Variants in FREM1 observed in about 807,000 individuals in gnomAD.
The protein encoded by FREM1 is FRAS1-related extracellular matrix protein 1.
In FREM1, 220 loss-of-function variants were observed where a neutral mutation model predicts 210.1. That is an observed-to-expected ratio of 1.05 (90% CI 0.94 to 1.17). The LOEUF (loss-of-function observed/expected upper bound fraction) is 1.17. Ranked by LOEUF, FREM1 falls within the 50% of genes most tolerant of loss-of-function variation. FREM1 has a pLI of 0.00. For synonymous variants in FREM1, 1,189 were observed against 980.2 expected (o/e 1.21, Z -3.98); for missense variants, 3,454 against 2,675.5 (o/e 1.29, Z -6.42).
intron 16 of FREM1, among the ~76,000 whole-genome samples, chr9:14,808,399 G>A (rs1818761505): frequency 6.6e-6 from 1 of 152,114 alleles, no homozygotes; most frequent in African/African-American, 2.4e-5. Flanking sequence ...GGCCAACAAG[G>A]GTCTGACAGT....
intron 13 of FREM1, among the ~76,000 whole-genome samples, chr9:14,821,035 C>G (rs1263603905): frequency 6.6e-6 from 1 of 152,086 alleles, no homozygotes; most frequent in Non-Finnish European, 1.5e-5. Context: ...AAGCATAAGG[C>G]TAATTTCCCC....
In FREM1 at chr9:14,737,309, A is replaced by G; in HGVS notation, c.*87T>C. ...AAAGGTATACCCACTCAATCATAAC[A>G]ATTTGTTTTCTATGGAGCAATATTC... On this transcript the variant is annotated 3_prime_UTR_variant, in exon 37 of 37. Transcript: ENST00000380880. 2.1e-6 allele frequency: 2 copies of G among 972,556 alleles called. No individual in the cohort carries two copies. The highest frequency in any genetic ancestry group is 3.1e-6 in the Non-Finnish European group (2 of 651,328). The allele number at this position is 972,556 out of a possible 1,614,324, so 60.2% of individuals were successfully genotyped here.
chr9:14,774,426 T>C (rs76502745), intron 25 of FREM1, among the ~76,000 whole-genome samples: 366 of 152,100 alleles, frequency 2.4e-3, no homozygotes, highest in African/African-American at 8.1e-3. Context: ...CTGCTGAAAT[T>C]TGTAGCCTGC....
chr9:14,824,821 G>T lies in FREM1; in HGVS notation c.2053C>A (p.Pro685Thr). ...DRELVYTITT[P>T]PFFSFSHRHL... ...CTGTGGCTGAAGGAGAAAAATGGAG[G>T]AGTAGTTATTGTGTAGACCAGCTCC... is the stretch of plus-strand genomic sequence containing the variant. The change falls in exon 11 of 37, where the codon CCT (proline) becomes ACT (threonine). Residue 685 changes from proline to threonine, a missense_variant. By Grantham distance (38) the Pro-to-Thr change is conservative (BLOSUM62 -1). Transcript: ENST00000380880. 1.2e-6 allele frequency: 2 copies of T among 1,612,248 alleles called. No individual in the cohort carries two copies. The highest frequency in any genetic ancestry group is 1.7e-6 in the Non-Finnish European group (2 of 1,179,040).
intron 31 of FREM1, 55 bp downstream of exon 31, chr9:14,748,346 T>G: frequency 1.0e-6 from 1 of 980,520 alleles, no homozygotes; most frequent in East Asian, 2.5e-5. Flanking sequence ...TAATATCTTC[T>G]GATCCTTTTA....
chr9:14,798,093 G>A (rs1452873754), intron 20 of FREM1, among the ~76,000 whole-genome samples: 1 of 151,762 alleles, frequency 6.6e-6, no homozygotes, highest in African/African-American at 2.4e-5. Flanking sequence ...AAGAGTCTCA[G>A]AACAGCCAAA....
intron 9 of FREM1, 33 bp downstream of exon 9, chr9:14,842,283 C>G (rs1416813343): frequency 9.7e-6 from 13 of 1,337,862 alleles, no homozygotes; most frequent in Non-Finnish European, 1.1e-5. Flanking sequence ...AGAGTGAATT[C>G]CATTCAAATG....
chr9:14,816,835 G>T lies in FREM1; in HGVS notation c.2583C>A (p.Asp861Glu), dbSNP rs755551540. Reference protein sequence around the residue: ...QHDGTEVLQDDLLLEVTDGTN... With the variant: ...QHDGTEVLQDELLLEVTDGTN... The stretch of plus-strand genomic sequence containing the variant: ...TGCCATCGGTGACCTCCAAGAGTAG[G>T]TCATCCTGAAGAACTTCAGTTCCAT... The change falls in exon 15 of 37, where the codon GAC (aspartate) becomes GAA (glutamate). Residue 861 changes from aspartate (D) to glutamate (E), a missense_variant. Asp to Glu is a conservative substitution (Grantham distance 45). Coordinates refer to ENST00000380880, the MANE Select transcript of FREM1 (RefSeq NM_001379081.2). 6.9e-7 allele frequency: 1 copy of T among 1,441,846 alleles called. No individual in the cohort carries two copies. The highest frequency in any genetic ancestry group is 1.9e-5 in the Admixed American group (1 of 53,498). The allele number at this position is 1,441,846 out of a possible 1,614,324, so 89.3% of individuals were successfully genotyped here. A position where few individuals can be genotyped will look rare whatever the true frequency, so the allele number is the denominator to read the frequency against.
chr9:14,845,984 G>T lies in FREM1; in HGVS notation c.1369C>A (p.Gln457Lys). ...AVRLVTVGGL[Q>K]HGWLTLRGGK... ...CCTCTTAAAGTCAGCCATCCATGCT[G>T]CAGGCCACCAACGGTGACTAGCCGG... The change falls in exon 8 of 37, where the codon CAG becomes AAG. Residue 457 changes from glutamine (Q) to lysine (K), a missense_variant. Physicochemically the swap from Gln to Lys is moderately conservative, Grantham distance 53. Coordinates refer to ENST00000380880, the MANE Select transcript of FREM1 (RefSeq NM_001379081.2). 1 of 1,613,526 alleles carries T rather than the reference G, an allele frequency of 6.2e-7. No individual in the cohort carries two copies. Among genetic ancestry groups the T allele is most frequent in the East Asian group, 2.2e-5 (1 of 44,846 alleles).
chr9:14,815,657 GT>G (rs200099922), intron 15 of FREM1, among the ~76,000 whole-genome samples: 1 of 151,736 alleles, frequency 6.6e-6, no homozygotes, highest in Non-Finnish European at 1.5e-5. Flanking sequence ...CATTCAAATT[GT>G]TTTTTTTGAG....
intron 29 of FREM1, among the ~76,000 whole-genome samples, chr9:14,753,427 T>G (rs1200055531): frequency 6.6e-6 from 1 of 152,234 alleles, no homozygotes; most frequent in Non-Finnish European, 1.5e-5. Flanking sequence ...AACAATCATT[T>G]TCTTAGGAGT....
intron 1 of FREM1, among the ~76,000 whole-genome samples, chr9:14,884,397 A>G (rs1273788768): frequency 6.6e-6 from 1 of 152,254 alleles, no homozygotes; most frequent in East Asian, 1.9e-4. Context: ...TTACATGGTA[A>G]TCATGTATTC....
chr9:14,890,803 A>T (rs1012144400), intron 1 of FREM1, among the ~76,000 whole-genome samples: 2 of 152,232 alleles, frequency 1.3e-5, no homozygotes, highest in Non-Finnish European at 2.9e-5. Flanking sequence ...GAGGGAAAAA[A>T]TGTGTGCCCT....
At chr9:14,878,295 T>G (rs186562509) in intron 1 of FREM1, among the ~76,000 whole-genome samples, 4 of 152,094 alleles carry the variant, frequency 2.6e-5, no homozygotes, top group African/African-American at 9.7e-5. Flanking sequence ...ATATCTTTGC[T>G]TTTCCTCAAA....
chr9:14,804,933 G>A, intron 19 of FREM1, 23 bp downstream of exon 19: 2 of 1,544,834 alleles, frequency 1.3e-6, no homozygotes, highest in South Asian at 1.1e-5. Context: ...AAGAGAAATG[G>A]AACATTTGGA....
chr9:14,799,043 C>T (rs967597436), intron 20 of FREM1, among the ~76,000 whole-genome samples: 20 of 151,916 alleles, frequency 1.3e-4, no homozygotes, highest in Non-Finnish European at 1.5e-5. Context: ...CTTTGGAAGG[C>T]GAGTGCAGGA....
chr9:14,906,793 A>T (rs1817775176), intron 1 of FREM1, among the ~76,000 whole-genome samples: 1 of 152,204 alleles, frequency 6.6e-6, no homozygotes, highest in South Asian at 2.1e-4. Flanking sequence ...GCAGCTGATA[A>T]TGTTTGATAG....
intron 3 of FREM1, among the ~76,000 whole-genome samples, chr9:14,860,695 A>G (rs1829798206): frequency 1.1e-5 from 1 of 92,074 alleles, no homozygotes; most frequent in Non-Finnish European, 2.1e-5. Context: ...ACATATATAC[A>G]CACATATATA....
chr9:14,869,883 G>A (rs1433237828), intron 1 of FREM1, among the ~76,000 whole-genome samples: 3 of 152,260 alleles, frequency 2.0e-5, no homozygotes, highest in South Asian at 2.1e-4. Context: ...GCTTCAGCAC[G>A]CACAGCTAAT....
Sources: allele counts gnomAD v4.1 joint callset (sites outside exome capture counted in the v4.1 genomes callset), GRCh38; gene constraint gnomAD v4.1.1; transcripts MANE v1.5; gene names NCBI Gene and HGNC (gene_info 2026-07-23, HGNC 2026-07-21).